PNPLA7: variants seen among roughly 807,000 people sequenced by gnomAD.
PNPLA7 encodes patatin-like phospholipase domain-containing protein 7.
Under a neutral mutation model 161.7 loss-of-function variants are expected in PNPLA7, and 153 were observed. That is an observed-to-expected ratio of 0.95 (90% CI 0.83 to 1.08). PNPLA7 has a LOEUF of 1.08. Ranked by LOEUF, PNPLA7 falls within the 50% of genes least tolerant of loss-of-function variation. PNPLA7 has a pLI of 0.00. For missense variants in PNPLA7, 1,739 were observed against 1,856.6 expected (o/e 0.94, Z 1.16); for synonymous variants, 809 against 782.1 (o/e 1.03, Z -0.57).
At chr9:137,501,839 G>A (rs1322309908) in intron 14 of PNPLA7, 112 bp from the exon 15 acceptor site, 26 of 1,091,946 alleles carry the variant, frequency 2.4e-5, no homozygotes, top group South Asian at 1.8e-4. Flanking sequence ...GCCAGAGGCC[G>A]GGCAAGGCCC....
chr9:137,542,966 C>T (rs766412952), intron 6 of PNPLA7, among the ~76,000 whole-genome samples, 165 bp from the exon 7 acceptor site: 5 of 152,232 alleles, frequency 3.3e-5, no homozygotes, highest in Admixed American at 1.3e-4. Context: ...CAAACACAAC[C>T]GTCAACTTCT....
At chr9:137,491,614 G>A (rs778278572) in intron 20 of PNPLA7, 348 of 985,382 alleles carry the variant, frequency 3.5e-4, no homozygotes, top group Middle Eastern at 1.6e-3. Context: ...ACCCAGAACC[G>A]CAAAATGTGA....
At chr9:137,503,986 A>ATGAAGG (rs1833743065) in intron 14 of PNPLA7, among the ~76,000 whole-genome samples, 29 of 97,214 alleles carry the variant, frequency 3.0e-4, no homozygotes, top group African/African-American at 5.3e-4. Flanking sequence ...AAGGAAGAAG[A>ATGAAGG]AAGAAGCAAG....
intron 25 of PNPLA7, 96 bp downstream of exon 25, chr9:137,477,937 AC>A (rs1399528269): frequency 3.3e-5 from 34 of 1,035,858 alleles, no homozygotes; most frequent in Non-Finnish European, 3.9e-5. Flanking sequence ...TGCGGGTGAC[AC>A]CCCCTGTCCC....
At chr9:137,494,972 C>G in intron 19 of PNPLA7, 61 bp downstream of exon 19, 3 of 1,458,306 alleles carry the variant, frequency 2.1e-6, no homozygotes, top group Non-Finnish European at 2.8e-6. Context: ...CTCACCTGTT[C>G]CATGCCCTCA....
intron 8 of PNPLA7, among the ~76,000 whole-genome samples, chr9:137,534,611 A>G (rs559522274): frequency 1.3e-4 from 20 of 152,312 alleles, no homozygotes; most frequent in Admixed American, 7.8e-4. Context: ...CTCCCAAACC[A>G]TGAAGGAAAG....
intron 11 of PNPLA7, among the ~76,000 whole-genome samples, chr9:137,518,616 C>A (rs1834789415): frequency 1.5e-5 from 1 of 67,894 alleles, no homozygotes; most frequent in Non-Finnish European, 3.0e-5. Flanking sequence ...CTCCATCCCC[C>A]ACTCACTCAC....
chr9:137,461,083 G>A lies in PNPLA7; in HGVS notation c.3842-346C>T. 8.4e-6 allele frequency: 3 copies of A among 357,164 alleles called. No individual in the cohort carries two copies. The South Asian group carries it at 9.6e-5, about 11-fold the overall frequency. 22.1% of individuals were successfully genotyped at this position (357,164 alleles called of 1,614,324 possible). ...CCCAGGGCCCTCTCGGCCTGCGGCA[G>A]CCATGAAGACGTCTCCCAGGAGAAT... On this transcript the variant is annotated intron_variant, in intron 33 of 34. Coordinates refer to ENST00000406427, the MANE Select transcript of PNPLA7 (RefSeq NM_001098537.3).
At chr9:137,470,761 G>A (rs1310844857) in intron 25 of PNPLA7, among the ~76,000 whole-genome samples, 2 of 152,216 alleles carry the variant, frequency 1.3e-5, no homozygotes, top group South Asian at 2.1e-4. Flanking sequence ...ACATCAGGAC[G>A]AAATGGGTCT....
At chr9:137,534,534 G>C (rs1310382507) in intron 8 of PNPLA7, among the ~76,000 whole-genome samples, 3 of 152,188 alleles carry the variant, frequency 2.0e-5, no homozygotes, top group Non-Finnish European at 4.4e-5. Flanking sequence ...CACCACAGCA[G>C]AACATACGCA....
chr9:137,547,531 G>A lies in PNPLA7; in HGVS notation c.105+54C>T. 2.5e-6 allele frequency: 4 copies of A among 1,605,852 alleles called. No individual in the cohort carries two copies. The highest frequency in any genetic ancestry group is 3.4e-6 in the Non-Finnish European group (4 of 1,173,434). On this transcript the variant is annotated intron_variant, in intron 2 of 34. Transcript: ENST00000406427. The surrounding 1 kb of genome is among the most constrained non-coding windows in gnomAD (Gnocchi z 4.6). ...CCAGGGGATGGGGACAGGGAGAGGT[G>A]AAAAAGGCCACGGCCCATCCAGGTC...
intron 1 of PNPLA7, among the ~76,000 whole-genome samples, chr9:137,549,402 C>T (rs1163108081): frequency 1.3e-5 from 2 of 151,928 alleles, no homozygotes; most frequent in African/African-American, 4.8e-5. Flanking sequence ...ACCGTCTCTA[C>T]TGAAAATACA....
chr9:137,533,079 G>C (rs1049237116), intron 8 of PNPLA7, among the ~76,000 whole-genome samples: 3 of 150,162 alleles, frequency 2.0e-5, no homozygotes, highest in African/African-American at 7.4e-5. Context: ...AGCACTCTCA[G>C]ACTCCTCAGT....
chr9:137,518,174 T>C (rs1167760756), intron 11 of PNPLA7, among the ~76,000 whole-genome samples: 19 of 83,486 alleles, frequency 2.3e-4, no homozygotes, highest in East Asian at 3.3e-4. Flanking sequence ...CTCCACTCTG[T>C]CCACTCCATC....
intron 12 of PNPLA7, chr9:137,509,827 A>C (rs546134141): frequency 2.4e-6 from 1 of 420,412 alleles, no homozygotes; most frequent in African/African-American, 2.0e-5. Context: ...GTTCCAGTAT[A>C]ATAAAATATA....
chr9:137,483,018 G>C lies in PNPLA7; in HGVS notation c.2347+1569C>G, dbSNP rs1271091257. Among the ~76,000 whole-genome samples the C allele has an allele frequency of 3.3e-5, 5 of 151,982 alleles. No individual in the cohort carries two copies. In the East Asian group the frequency reaches 7.8e-4, roughly 24 times the overall value. ...CTCCCTGGTAGCTGGGACTACAGGA[G>C]CCTGCCAACAAGCCTGGCTAATTTT... On this transcript the variant is annotated intron_variant, in intron 21 of 34. Coordinates refer to ENST00000406427, the MANE Select transcript of PNPLA7 (RefSeq NM_001098537.3).
chr9:137,528,960 A>G (rs1835440951), intron 8 of PNPLA7, among the ~76,000 whole-genome samples: 2 of 152,134 alleles, frequency 1.3e-5, no homozygotes, highest in Middle Eastern at 3.4e-3. Flanking sequence ...TCGGCCTCCC[A>G]AAGTGCTGGG....
intron 25 of PNPLA7, among the ~76,000 whole-genome samples, chr9:137,477,737 C>T (rs1832007366): frequency 6.6e-6 from 1 of 152,224 alleles, no homozygotes; most frequent in Non-Finnish European, 1.5e-5. Flanking sequence ...CCCACGCGCC[C>T]GGCCCAAGCA....
intron 14 of PNPLA7, among the ~76,000 whole-genome samples, chr9:137,504,064 AAG>A (rs1833762893): frequency 7.1e-6 from 1 of 140,358 alleles, no homozygotes; most frequent in Non-Finnish European, 1.6e-5. Flanking sequence ...AAGAAGAAGA[AAG>A]AAGAAGGAAG....
Sources: gnomAD v4.1 joint callset for allele counts (sites outside exome capture counted in the v4.1 genomes callset) on GRCh38, gnomAD v4.1.1 for gene constraint, Gnocchi (gnomAD v3.1) non-coding constraint, MANE v1.5 for transcripts, NCBI Gene and HGNC (gene_info 2026-07-23, HGNC 2026-07-21) for gene names.